The following SHANK2 variants were observed in gnomAD, a reference collection of about 807,000 sequenced individuals.
The protein encoded by SHANK2 is SH3 and multiple ankyrin repeat domains protein 2.
In SHANK2, 43 loss-of-function variants were observed where a neutral mutation model predicts 133.7. That is an observed-to-expected ratio of 0.32 (90% CI 0.25 to 0.41). SHANK2 has a LOEUF of 0.41. Ranked by LOEUF, SHANK2 falls within the 10% of genes least tolerant of loss-of-function variation. The pLI, the probability that SHANK2 is intolerant of heterozygous loss-of-function variation, is 1.00. For synonymous variants in SHANK2, 1,017 were observed against 952.8 expected (o/e 1.07, Z -1.24); for missense variants, 1,994 against 2,235.8 (o/e 0.89, Z 2.18).
At position 71,101,991 on chromosome 11, in the gene SHANK2, G is replaced by A. The variant is rs992004376; in HGVS notation, c.593-7303C>T. Among the ~76,000 whole-genome samples the A allele has an allele frequency of 5.3e-5, 8 of 152,204 alleles. No individual in the cohort carries two copies. The East Asian group carries it at 5.8e-4, about 11-fold the overall frequency. On this transcript the variant is annotated intron_variant, in intron 6 of 25. Transcript: ENST00000601538. Reference sequence around the variant, plus strand: ...CAGGTGCTCTGCAGAATCTGGATCCGTAAAGGAACCATCTCTTTTTGACCT... The same window carrying A: ...CAGGTGCTCTGCAGAATCTGGATCCATAAAGGAACCATCTCTTTTTGACCT...
At chr11:71,191,034 C>G (rs1953782482) in intron 2 of SHANK2, among the ~76,000 whole-genome samples, 1 of 152,066 alleles carries the variant, frequency 6.6e-6, no homozygotes, top group Admixed American at 6.6e-5. Flanking sequence ...ATACCAGGCA[C>G]AGTGGCTCAC....
intron 3 of SHANK2, among the ~76,000 whole-genome samples, chr11:71,135,324 C>A (rs192494893): frequency 6.6e-6 from 1 of 152,108 alleles, no homozygotes; most frequent in Non-Finnish European, 1.5e-5. Flanking sequence ...CCTTGTGGAG[C>A]GGAATTGCTG....
chr11:70,897,955 CA>C (rs1949961831), intron 10 of SHANK2, among the ~76,000 whole-genome samples: 1 of 151,582 alleles, frequency 6.6e-6, no homozygotes, highest in South Asian at 2.1e-4. Context: ...CACACACACA[CA>C]CACACTTTTT....
At chr11:70,766,169 G>T (rs1947119468) in intron 14 of SHANK2, among the ~76,000 whole-genome samples, 1 of 152,262 alleles carries the variant, frequency 6.6e-6, no homozygotes, top group Non-Finnish European at 1.5e-5. Flanking sequence ...TTGGAACGCA[G>T]ATACAATGGC....
intron 14 of SHANK2, among the ~76,000 whole-genome samples, chr11:70,727,470 A>G (rs558901188): frequency 6.6e-6 from 1 of 152,230 alleles, no homozygotes; most frequent in South Asian, 2.1e-4. Flanking sequence ...GTGGTAGGTA[A>G]TTTGTTCCCT....
At chr11:70,919,537 T>G (rs981045200) in intron 10 of SHANK2, among the ~76,000 whole-genome samples, 1 of 152,088 alleles carries the variant, frequency 6.6e-6, no homozygotes, top group Non-Finnish European at 1.5e-5. Context: ...CGTGTACCAC[T>G]ACACCTGGCT....
intron 14 of SHANK2, among the ~76,000 whole-genome samples, chr11:70,726,476 G>A: frequency 6.6e-6 from 1 of 151,550 alleles, no homozygotes; most frequent in East Asian, 1.9e-4. Flanking sequence ...GTGTGGGTGG[G>A]TGGGGTGGGC....
intron 18 of SHANK2, 34 bp downstream of exon 18, chr11:70,502,762 C>A: frequency 1.3e-6 from 1 of 797,532 alleles, no homozygotes; most frequent in Non-Finnish European, 1.8e-6. Context: ...CCAGTAGGGC[C>A]CCAGGCTGGA....
At chr11:70,858,094 T>A (rs1949198688) in intron 11 of SHANK2, among the ~76,000 whole-genome samples, 1 of 152,210 alleles carries the variant, frequency 6.6e-6, no homozygotes, top group South Asian at 2.1e-4. Context: ...CCAGCCCAAA[T>A]GTGCCAGGAG....
intron 17 of SHANK2, among the ~76,000 whole-genome samples, chr11:70,580,068 G>A (rs545291264): frequency 6.6e-6 from 1 of 152,324 alleles, no homozygotes; most frequent in South Asian, 2.1e-4. Flanking sequence ...ATAAACACGT[G>A]TTGCTGGAAG....
intron 3 of SHANK2, among the ~76,000 whole-genome samples, chr11:71,138,504 G>A (rs188038135): frequency 6.6e-5 from 10 of 152,224 alleles, no homozygotes; most frequent in African/African-American, 2.2e-4. Context: ...TAAGCAGACG[G>A]GCCAAGGCCA....
intron 14 of SHANK2, among the ~76,000 whole-genome samples, chr11:70,782,691 C>T (rs1367697089): frequency 6.6e-6 from 1 of 152,214 alleles, no homozygotes; most frequent in Non-Finnish European, 1.5e-5. Context: ...ACAGACAAGC[C>T]TGAAGAAAAA....
At chr11:70,533,368 G>A (rs2059502675) in intron 17 of SHANK2, among the ~76,000 whole-genome samples, 1 of 152,206 alleles carries the variant, frequency 6.6e-6, no homozygotes, top group Non-Finnish European at 1.5e-5. Flanking sequence ...GGGATTACAG[G>A]TGTGAGCCAC....
At chr11:71,137,069 G>A (rs1434206463) in intron 3 of SHANK2, among the ~76,000 whole-genome samples, 1 of 151,900 alleles carries the variant, frequency 6.6e-6, no homozygotes, top group Non-Finnish European at 1.5e-5. Flanking sequence ...CACAATGTTG[G>A]CCAGGCTGGT....
At chr11:70,788,792 G>A (rs185609551) in intron 14 of SHANK2, among the ~76,000 whole-genome samples, 254 of 152,278 alleles carry the variant, frequency 1.7e-3, no homozygotes, top group Admixed American at 3.9e-3. Context: ...GGCCACACAG[G>A]GTGTCCTATA....
intron 2 of SHANK2, among the ~76,000 whole-genome samples, chr11:71,202,144 C>T (rs956578383): frequency 6.6e-6 from 1 of 152,220 alleles, no homozygotes; most frequent in African/African-American, 2.4e-5. Context: ...GTGCAAGGTG[C>T]ACAAACAACT....
chr11:70,837,439 G>A (rs370807906), intron 11 of SHANK2, among the ~76,000 whole-genome samples: 9 of 152,276 alleles, frequency 5.9e-5, no homozygotes, highest in African/African-American at 1.9e-4. Flanking sequence ...GTGCATTCAC[G>A]CTCATGGTCA....
At chr11:70,817,310 A>C (rs1360084669) in intron 12 of SHANK2, among the ~76,000 whole-genome samples, 10 of 152,186 alleles carry the variant, frequency 6.6e-5, no homozygotes, top group Admixed American at 3.9e-4. Flanking sequence ...CTCCTACAGC[A>C]CAGCTATTGC....
At chr11:70,591,035 A>G (rs1554987927) in intron 17 of SHANK2, among the ~76,000 whole-genome samples, 1 of 152,186 alleles carries the variant, frequency 6.6e-6, no homozygotes, top group Non-Finnish European at 1.5e-5. Context: ...AAGGTCTACA[A>G]ATGGGTCAGA....
Sources: allele counts gnomAD v4.1 joint callset (sites outside exome capture counted in the v4.1 genomes callset), GRCh38; gene constraint gnomAD v4.1.1; transcripts MANE v1.5; gene names NCBI Gene and HGNC (gene_info 2026-07-23, HGNC 2026-07-21).